XPO7: variants seen among roughly 807,000 people sequenced by gnomAD.
XPO7 encodes exportin 7, also known as exportin-7.
In XPO7, 21 loss-of-function variants were observed where a neutral mutation model predicts 144.3. The ratio of observed to expected loss-of-function variants is 0.15; its 90% CI spans 0.10 to 0.21. The LOEUF (loss-of-function observed/expected upper bound fraction) is 0.21. Ranked by LOEUF, XPO7 falls within the 10% of genes least tolerant of loss-of-function variation. The probability of loss-of-function intolerance (pLI) is 1.00; values close to 1 mark genes in which losing one functional copy is unlikely to be tolerated. For missense variants in XPO7, 808 were observed against 1,325.8 expected, an observed-to-expected ratio of 0.61 and a Z score of 6.06; for synonymous variants, 580 against 499.6, an observed-to-expected ratio of 1.16 and a Z score of -2.15.
intron 25 of XPO7, chr8:22,002,942 A>AC (rs1200433591): frequency 6.6e-5 from 17 of 258,212 alleles, no homozygotes; most frequent in African/African-American, 3.4e-4. Context: ...TGTTTACGTG[A>AC]CCCCATCCCA....
chr8:21,967,050 C>T (rs374302196), intron 2 of XPO7, 47 bp downstream of exon 2: 40 of 1,584,642 alleles, frequency 2.5e-5, no homozygotes, highest in African/African-American at 1.4e-4. Context: ...GCTTCGGAAA[C>T]GTTATTCTGG....
chr8:21,934,304 T>C (rs1322726520), intron 1 of XPO7, among the ~76,000 whole-genome samples: 1 of 152,008 alleles, frequency 6.6e-6, no homozygotes, highest in African/African-American at 2.4e-5. Flanking sequence ...GAGGCCGAGG[T>C]GGGCGGATCA....
At chr8:21,933,096 A>ATTTTT (rs34592897) in intron 1 of XPO7, among the ~76,000 whole-genome samples, 1 of 110,758 alleles carries the variant, frequency 9.0e-6, no homozygotes, top group Non-Finnish European at 1.8e-5. Context: ...CTTTTGCTGG[A>ATTTTT]TTTTTTTTTT....
rs1813320908 is a variant in XPO7 at position 22,006,077 on chromosome 8, G to GT, written c.*990dup. ...TTAGTCTTCCCCAGCCCTCGAGGCA[G>GT]TGTGTGTGGATGTATGCGTGTGGAT... is the stretch of plus-strand genomic sequence containing the variant. On this transcript the variant is annotated 3_prime_UTR_variant, in exon 28 of 28. Coordinates refer to ENST00000252512, the MANE Select transcript of XPO7 (RefSeq NM_015024.5). 1 of 152,286 alleles carries GT rather than the reference G, an allele frequency of 6.6e-6. No individual in the cohort carries two copies. The highest frequency in any genetic ancestry group is 2.4e-5 in the African/African-American group (1 of 41,460). The allele number at this position is 152,286 out of a possible 1,614,324, so 9.4% of individuals were successfully genotyped here.
chr8:21,941,228 C>T (rs533316459), intron 1 of XPO7, among the ~76,000 whole-genome samples: 11 of 151,970 alleles, frequency 7.2e-5, no homozygotes, highest in African/African-American at 9.7e-5. Context: ...GCCTTGACCA[C>T]GCCACAACCC....
At chr8:21,944,023 C>T (rs999824031) in intron 1 of XPO7, among the ~76,000 whole-genome samples, 1 of 152,084 alleles carries the variant, frequency 6.6e-6, no homozygotes, top group Non-Finnish European at 1.5e-5. Flanking sequence ...TCTGAATACC[C>T]TCATATACAT....
At chr8:21,998,286 A>C (rs1813019337) in intron 21 of XPO7, among the ~76,000 whole-genome samples, 1 of 152,122 alleles carries the variant, frequency 6.6e-6, no homozygotes, top group Admixed American at 6.5e-5. Context: ...CTAAAAATAC[A>C]AAAAATTAGC....
At chr8:21,933,189 C>T (rs1174473289) in intron 1 of XPO7, among the ~76,000 whole-genome samples, 19 of 150,922 alleles carry the variant, frequency 1.3e-4, no homozygotes, top group African/African-American at 4.6e-4. Flanking sequence ...CAACCTCCAC[C>T]TCCTGGGTTC....
At chr8:21,988,539 T>C (rs1316479540) in intron 15 of XPO7, 1 of 171,634 alleles carries the variant, frequency 5.8e-6, no homozygotes, top group Non-Finnish European at 1.2e-5. Context: ...TAAACACTCA[T>C]ATCCATGAGC....
At chr8:21,969,601 T>A (rs1811987699) in intron 3 of XPO7, 25 bp downstream of exon 3, 1 of 1,591,460 alleles carries the variant, frequency 6.3e-7, no homozygotes, top group African/African-American at 1.3e-5. Flanking sequence ...TTCTGTTCTG[T>A]CTTGAAGAAA....
intron 10 of XPO7, among the ~76,000 whole-genome samples, chr8:21,982,262 G>A (rs895879244): frequency 1.3e-5 from 2 of 152,058 alleles, no homozygotes; most frequent in East Asian, 3.9e-4. Context: ...TCATCTAGGG[G>A]ACTGATGAAA....
intron 27 of XPO7, 61 bp downstream of exon 27, chr8:22,004,091 A>G: frequency 1.2e-6 from 2 of 1,601,920 alleles, no homozygotes; most frequent in Non-Finnish European, 1.7e-6. Flanking sequence ...AATCAACGAA[A>G]CAGGCAGTTG....
At chr8:21,941,141 T>C (rs1204829063) in intron 1 of XPO7, among the ~76,000 whole-genome samples, 1 of 151,642 alleles carries the variant, frequency 6.6e-6, no homozygotes, top group Non-Finnish European at 1.5e-5. Context: ...TGCTTTTTTT[T>C]TTTTTCTTCC....
At chr8:21,973,707 G>A (rs924984204) in intron 5 of XPO7, among the ~76,000 whole-genome samples, 2 of 152,154 alleles carry the variant, frequency 1.3e-5, no homozygotes, top group African/African-American at 4.8e-5. Flanking sequence ...TAAGCTTTCA[G>A]TACATGGTTA....
At chr8:21,976,285 T>G (rs1812219718) in intron 6 of XPO7, 71 bp from the exon 7 acceptor site, 1 of 1,539,948 alleles carries the variant, frequency 6.5e-7, no homozygotes, top group African/African-American at 1.4e-5. Flanking sequence ...CTTAACAGCT[T>G]TGTTGAGTCT....
chr8:22,005,040 A>T lies in XPO7; in HGVS notation c.3216A>T (p.Ser1072=). Residue 1072 remains serine, a synonymous_variant, in exon 28 of 28, where the codon TCA becomes TCT. Coordinates refer to ENST00000252512, the MANE Select transcript of XPO7 (RefSeq NM_015024.5). Reference sequence around the variant, plus strand: ...CATTCCGTCGAGAAGTCAACGACTCAATGAAGAATTCCACTTATGGCGTGA... The same window carrying T: ...CATTCCGTCGAGAAGTCAACGACTCTATGAAGAATTCCACTTATGGCGTGA... ...LSAFRREVND[S]MKNSTYGVNS... is the part of the protein sequence containing the mutation. 48 of 1,612,108 alleles carry T rather than the reference A, an allele frequency of 3.0e-5. 4 individuals are homozygous for T. In the Middle Eastern group the frequency reaches 7.6e-3, roughly 255 times the overall value.
At position 21,977,789 on chromosome 8, in the gene XPO7, C is replaced by G. The variant is rs1417253874; in HGVS notation, c.783C>G (p.Thr261=). ...CCCCAGCCTTCTTAGATTCTTCAAC[C>G]TTGCAGCTGTTTTTTGACCTGTATC... ...SWRSAFLDSS[T]LQLFFDLYHS... is the part of the protein sequence containing the mutation. The change falls in exon 8 of 28, where the codon ACC becomes ACG. Residue 261 remains threonine, a synonymous_variant. Transcript: ENST00000252512. 6 of 1,613,794 alleles carry G rather than the reference C, an allele frequency of 3.7e-6. No homozygotes were observed. Among genetic ancestry groups the G allele is most frequent in the Non-Finnish European group, 4.2e-6 (5 of 1,179,872 alleles).
At chr8:21,964,291 G>T (rs546804934) in intron 1 of XPO7, 1 of 152,108 alleles carries the variant, frequency 6.6e-6, no homozygotes, top group Non-Finnish European at 1.5e-5. Context: ...GAAAACATTG[G>T]ACATAGATGT....
At chr8:21,947,493 G>A (rs567580022) in intron 1 of XPO7, among the ~76,000 whole-genome samples, 8 of 152,230 alleles carry the variant, frequency 5.3e-5, no homozygotes, top group Admixed American at 2.6e-4. Flanking sequence ...AAATAATACC[G>A]TAGAGGAAAT....
Sources: allele counts gnomAD v4.1 joint callset (sites outside exome capture counted in the v4.1 genomes callset), GRCh38; gene constraint gnomAD v4.1.1; transcripts MANE v1.5; gene names NCBI Gene and HGNC (gene_info 2026-07-23, HGNC 2026-07-21).